The following ATG9B variants were observed in gnomAD, a reference collection of about 807,000 sequenced individuals.
The protein encoded by ATG9B is autophagy-related protein 9B.
Under a neutral mutation model 92.9 loss-of-function variants are expected in ATG9B, and 92 were observed. The ratio of observed to expected loss-of-function variants is 0.99; its 90% CI spans 0.84 to 1.18. The LOEUF is 1.18. Ranked by LOEUF, ATG9B falls within the 50% of genes most tolerant of loss-of-function variation. ATG9B has a pLI of 0.00. For missense variants in ATG9B, 1,344 were observed against 1,235.0 expected, an observed-to-expected ratio of 1.09 and a Z score of -1.32; for synonymous variants, 599 against 551.4, an observed-to-expected ratio of 1.09 and a Z score of -1.21.
Position 151,023,951 on chromosome 7 carries a change from TCA to T in ATG9B, c.471_472del (p.Cys157Ter), listed in dbSNP as rs780789078. 1.3e-6 allele frequency: 2 copies of T among 1,589,344 alleles called. No homozygotes were observed. The highest frequency in any genetic ancestry group is 2.3e-5 in the South Asian group (2 of 88,018). On this transcript the variant is annotated stop_gained and frameshift_variant, in exon 1 of 14. Coordinates refer to ENST00000639579, the MANE Select transcript of ATG9B (RefSeq NM_001317056.2). LOFTEE classifies it high-confidence loss of function. ...GGGTGAGTCTTGGGACCCCTCAGGG[TCA>T]CAGTCCTCCAGCCGCTCATAATCCT... is the stretch of plus-strand genomic sequence containing the variant.
In ATG9B at chr7:151,016,826, G is replaced by T. The variant is rs749515985; in HGVS notation, c.2290-5C>A. The T allele has an allele frequency of 3.1e-6, 5 of 1,600,888 alleles. No homozygotes were observed. The highest frequency in any genetic ancestry group is 4.3e-6 in the Non-Finnish European group (5 of 1,174,370). On this transcript the variant is annotated splice_region_variant and splice_polypyrimidine_tract_variant and intron_variant, in intron 9 of 13. Coordinates refer to ENST00000639579, the MANE Select transcript of ATG9B (RefSeq NM_001317056.2). ...GTTGGCCAGGAAGGCCTCAGGCTGG[G>T]TGCAAGAGGAGAGGGAAAGCCAAAG...
At chr7:151,017,761 AC>A (rs1795561541) in intron 8 of ATG9B, 109 bp downstream of exon 8, 2 of 1,327,926 alleles carry the variant, frequency 1.5e-6, no homozygotes, top group South Asian at 3.1e-5. Context: ...GACCCGCTCA[AC>A]GGCACAGGTA....
intron 4 of ATG9B, 72 bp downstream of exon 4, chr7:151,022,973 G>C (rs1352786787): frequency 6.3e-7 from 1 of 1,581,430 alleles, no homozygotes; most frequent in African/African-American, 1.4e-5. Flanking sequence ...ACGGGACAAA[G>C]TGGGGCTCCC....
At chr7:151,017,332 G>GGCAGTGTTTCCTGTCCC in intron 8 of ATG9B, 60 bp from the exon 9 acceptor site, 2 of 1,468,292 alleles carry the variant, frequency 1.4e-6, no homozygotes, top group Non-Finnish European at 1.8e-6. Flanking sequence ...GAACAGGTGG[G>GGCAGTGTTTCCTGTCCC]ACAGGAAACA....
chr7:151,021,710 C>T (rs1014804595), intron 4 of ATG9B, among the ~76,000 whole-genome samples: 5 of 148,030 alleles, frequency 3.4e-5, no homozygotes, highest in South Asian at 2.1e-4. Context: ...AGTGCAGTGG[C>T]GCAATCTTGG....
rs775803662 is a variant in ATG9B, at chr7:151,021,228, T to C, written c.923A>G (p.Asp308Gly). The C allele has an allele frequency of 8.1e-6, 13 of 1,613,502 alleles. No homozygotes were observed. In the South Asian group the frequency reaches 1.4e-4, roughly 18 times the overall value. The change falls in exon 5 of 14, where the codon GAC becomes GGC. Residue 308 changes from aspartate (D) to glycine (G), a missense_variant. By Grantham distance (94) the Asp-to-Gly change is moderately conservative. Coordinates refer to ENST00000639579, the MANE Select transcript of ATG9B (RefSeq NM_001317056.2). ...GGCCTCCCTGTAAAACACCTGGATG[T>C]CCCAGTAGCTGAAGAGGTTGCAGAC... ...RSVCNLFSYW[D>G]IQVFYREALH...
At chr7:151,013,330 T>C (rs751402594), downstream of ATG9B, 2 of 1,613,764 alleles carry the variant, frequency 1.2e-6, no homozygotes, top group Admixed American at 3.3e-5. Context: ...CAGCGCGGGG[T>C]GTTTGGCCGA....
In ATG9B at chr7:151,019,066, G is replaced by A. The variant is rs1414598956; in HGVS notation, c.1272C>T (p.Arg424=). ...GGWELPHAYK[R]SDQRGALAAR... Reference sequence around the variant, plus strand: ...CTGCTAGGGCGCCCCGCTGGTCGCTGCGCTTGTAGGCGTGCGGCAGCTCCC... The same window carrying A: ...CTGCTAGGGCGCCCCGCTGGTCGCTACGCTTGTAGGCGTGCGGCAGCTCCC... Residue 424 remains arginine (R), a synonymous_variant, in exon 6 of 14, where the codon CGC becomes CGT. Transcript: ENST00000639579. The A allele has an allele frequency of 1.3e-6, 2 of 1,535,876 alleles. No individual in the cohort carries two copies. The highest frequency in any genetic ancestry group is 2.7e-5 in the African/African-American group (2 of 72,938).
chr7:151,014,346 C>T, downstream of ATG9B: 1 of 703,760 alleles, frequency 1.4e-6, no homozygotes, highest in South Asian at 2.1e-5. Flanking sequence ...TTTTCCCTCT[C>T]TAGGCCTGTT....
intron 5 of ATG9B, 113 bp from the exon 6 acceptor site, chr7:151,019,487 A>G (rs572814606): frequency 2.9e-6 from 4 of 1,362,474 alleles, no homozygotes; most frequent in East Asian, 2.6e-5. Flanking sequence ...GTTTGCGATC[A>G]CAAACTCGCC....
chr7:151,013,774 C>A (rs1223823596), downstream of ATG9B: 1 of 1,611,558 alleles, frequency 6.2e-7, no homozygotes, highest in Non-Finnish European at 8.5e-7. Context: ...AGGTGCACCG[C>A]GTGCTGTGCC....
chr7:151,016,015 G>A lies in ATG9B; in HGVS notation c.2656C>T (p.Pro886Ser), dbSNP rs1355163382. The A allele has an allele frequency of 1.3e-6, 2 of 1,551,386 alleles. No individual in the cohort carries two copies. Among genetic ancestry groups the A allele is most frequent in the Admixed American group, 3.9e-5 (2 of 50,968 alleles). Residue 886 changes from proline to serine, a missense_variant, in exon 13 of 14, where the codon CCT (proline) becomes TCT (serine). Transcript: ENST00000639579. ...KPSWSSDGSS[P>S]ASSPRQQWGT... ...CACTGTTGTCTGGGGCTAGAGGCAG[G>A]ACTGGAGCCTGGTGAAAAAGGCCAT...
In ATG9B at chr7:151,021,192, G is replaced by T. The variant is rs553338570; in HGVS notation, c.959C>A (p.Pro320His). 1.5e-5 allele frequency: 24 copies of T among 1,613,296 alleles called. No homozygotes were observed. The highest frequency in any genetic ancestry group is 1.9e-5 in the Non-Finnish European group (22 of 1,179,844). Residue 320 changes from proline to histidine, a missense_variant, in exon 5 of 14, where the codon CCC (proline) becomes CAC (histidine). Transcript: ENST00000639579. ...AGACACAGCCACCCAGCTCACCGGG[G>T]GGATGTGCAGGGCCTCCCTGTAAAA... ...QVFYREALHI[P>H]PEELSSVPWA... is the part of the protein sequence containing the mutation.
At chr7:151,012,226 T>G (rs375435146), downstream of ATG9B, 305 of 788,110 alleles carry the variant, frequency 3.9e-4, 2 homozygotes, top group Middle Eastern at 4.5e-3. Flanking sequence ...TTGTTTTTTG[T>G]TTTTTTTTTA....
rs773141064 is a variant in ATG9B at position 151,018,986 on chromosome 7, G to A, written c.1352C>T (p.Pro451Leu). ...LLAALNLALS[P>L]LVLAWQVLHV... Reference sequence around the variant, plus strand: ...CAGAACCTGCCAGGCCAGCACCAGCGGGCTCAGCGCCAGGTTCAGGGCGGC... The same window carrying A: ...CAGAACCTGCCAGGCCAGCACCAGCAGGCTCAGCGCCAGGTTCAGGGCGGC... The change falls in exon 6 of 14, where the codon CCG (proline) becomes CTG (leucine). Residue 451 changes from proline (P) to leucine (L), a missense_variant. Transcript: ENST00000639579. This position sits in a 1 kb window ranked among gnomAD's most constrained non-coding sequence, Gnocchi z 4.7. 5.9e-5 allele frequency: 93 copies of A among 1,577,306 alleles called. No individual in the cohort carries two copies. The highest frequency in any genetic ancestry group is 7.1e-5 in the Non-Finnish European group (83 of 1,166,494).
Position 151,021,275 on chromosome 7 carries a change from C to T in ATG9B, c.876G>A (p.Trp292Ter). Residue 292 changes from tryptophan (W) to a stop codon, truncating the protein, a stop_gained, in exon 5 of 14, where the codon TGG (tryptophan) becomes TGA (stop). Transcript: ENST00000639579. LOFTEE classifies it high-confidence loss of function. ...AGACTGAGCGAAGCAGTTGGACCAG[C>T]CAGAAGCCGGCAGCCAGGACCAGGA... is the stretch of plus-strand genomic sequence containing the variant. The part of the protein sequence containing the change: ...VLLLVLAAGF[W>*]LVQLLRSVCN... 1 of 1,613,358 alleles carries T rather than the reference C, an allele frequency of 6.2e-7. No individual in the cohort carries two copies. Among genetic ancestry groups the T allele is most frequent in the Non-Finnish European group, 8.5e-7 (1 of 1,179,772 alleles).
chr7:151,013,230 G>A, downstream of ATG9B: 2 of 1,611,954 alleles, frequency 1.2e-6, no homozygotes, highest in South Asian at 2.2e-5. Context: ...GTTGCTTGCA[G>A]GGCTGCAGCC....
chr7:151,017,919 G>GT lies in ATG9B; in HGVS notation c.2003dup (p.Asp668GlufsTer25). ...CATCCATAAGGGCAAAGGAACAGAT[G>GT]TCCCCAACCCCAGCCACATCCACAG... On this transcript the variant is annotated frameshift_variant, in exon 8 of 14. Coordinates refer to ENST00000639579, the MANE Select transcript of ATG9B (RefSeq NM_001317056.2). LOFTEE classifies it high-confidence loss of function. The GT allele has an allele frequency of 5.6e-6, 9 of 1,610,142 alleles. No homozygotes were observed. Among genetic ancestry groups the GT allele is most frequent in the Non-Finnish European group, 7.6e-6 (9 of 1,178,346 alleles).
chr7:151,012,236 A>ATT, downstream of ATG9B: 1 of 565,780 alleles, frequency 1.8e-6, no homozygotes, highest in Non-Finnish European at 2.6e-6. Context: ...TTTTTTTTTT[A>ATT]ATTTTTTTTT....
Sources: allele counts gnomAD v4.1 joint callset (sites outside exome capture counted in the v4.1 genomes callset), GRCh38; gene constraint gnomAD v4.1.1; non-coding constraint Gnocchi (gnomAD v3.1); transcripts MANE v1.5; gene names NCBI Gene and HGNC (gene_info 2026-07-23, HGNC 2026-07-21).